The following PLIN2 variants were observed in gnomAD, a reference collection of about 807,000 sequenced individuals.
The protein encoded by PLIN2 is perilipin-2.
Under a neutral mutation model 30.6 loss-of-function variants are expected in PLIN2, and 33 were observed. The ratio of observed to expected loss-of-function variants is 1.08; its 90% confidence interval spans 0.82 to 1.44. The LOEUF (loss-of-function observed/expected upper bound fraction) is 1.44, where lower values mean the gene tolerates loss of function less well. PLIN2 is among the 40% of genes most tolerant of loss of function. The pLI is 0.00. For missense variants in PLIN2, 610 were observed against 531.8 expected (o/e 1.15, Z -1.45); for synonymous variants, 205 against 201.1 (o/e 1.02, Z -0.16).
At chr9:19,111,902 A>G (rs891374790), downstream of PLIN2, among the ~76,000 whole-genome samples, 2 of 152,112 alleles carry the variant, frequency 1.3e-5, no homozygotes, top group Non-Finnish European at 2.9e-5. Context: ...GCCCAGTTTC[A>G]TTAGTTCTTT....
Position 19,126,312 on chromosome 9 carries a change from G to T in PLIN2, c.31-3C>A, listed in dbSNP as rs751280387. 2.5e-5 allele frequency: 40 copies of T among 1,613,420 alleles called. No individual in the cohort carries two copies. In the South Asian group the frequency reaches 3.6e-4, roughly 15 times the overall value. On this transcript the variant is annotated splice_polypyrimidine_tract_variant and splice_region_variant and intron_variant, in intron 2 of 7. Transcript: ENST00000276914. ...TTGACCACCCGAGTCACCACACTCT[G>T]CAATCAAAGTAGGGAGGGTATGCTT... is the stretch of plus-strand genomic sequence containing the variant.
chr9:19,120,783 C>G (rs1818301518), intron 5 of PLIN2, 97 bp downstream of exon 5: 1 of 967,474 alleles, frequency 1.0e-6, no homozygotes, highest in South Asian at 1.5e-5. Flanking sequence ...GCTTGCACAA[C>G]TGTGTAAATT....
At chr9:19,120,800 CAAGAT>C (rs1318252328) in intron 5 of PLIN2, 75 bp downstream of exon 5, 79 of 1,150,420 alleles carry the variant, frequency 6.9e-5, no homozygotes, top group Middle Eastern at 2.1e-4. Context: ...AATTTAGACT[CAAGAT>C]GAGAGTATAT....
rs1250967978 is a variant in PLIN2, at chr9:19,126,369, G to C, written c.30+28C>G. 1.9e-6 allele frequency: 3 copies of C among 1,613,850 alleles called. No homozygotes were observed. The South Asian group carries it at 3.3e-5, about 18-fold the overall frequency. ...CTCTCAAAACACAAAAGGAGAGAAAGTAGACAAAGGCTACTCAAAATTCAT... is the reference window on the plus strand; with the variant it reads ...CTCTCAAAACACAAAAGGAGAGAAACTAGACAAAGGCTACTCAAAATTCAT... On this transcript the variant is annotated intron_variant, in intron 2 of 7. Coordinates refer to ENST00000276914, the MANE Select transcript of PLIN2 (RefSeq NM_001122.4).
chr9:19,121,508 A>T (rs1418261174), intron 4 of PLIN2, among the ~76,000 whole-genome samples: 1 of 149,320 alleles, frequency 6.7e-6, no homozygotes, highest in Non-Finnish European at 1.5e-5. Context: ...AAAAAAAAAA[A>T]GAGAAGAGAA....
downstream of PLIN2, chr9:19,115,723 C>G (rs1220651110): frequency 6.6e-6 from 1 of 152,660 alleles, no homozygotes; most frequent in Non-Finnish European, 1.5e-5. Context: ...AGCAGCTCTA[C>G]GAAAGCAACA....
rs1588644646 is a variant in PLIN2, at chr9:19,119,824, TTC to T, written c.601_602del (p.Glu201SerfsTer5). 2 of 1,561,696 alleles carry T rather than the reference TTC, an allele frequency of 1.3e-6. No individual in the cohort carries two copies. The highest frequency in any genetic ancestry group is 4.5e-5 in the East Asian group (2 of 44,014). On this transcript the variant is annotated frameshift_variant, in exon 6 of 8. Transcript: ENST00000276914. LOFTEE classifies it high-confidence loss of function. The part of the protein sequence containing the change: ...LPLTEEELEK[E>X]AKKVEGFDLV... ...GATCAAATCCTTCAACTTTTTTTGCTTCTTTTTCTGAAGTTAGAAATAAGAGA... is the reference window on the plus strand; with the variant it reads ...GATCAAATCCTTCAACTTTTTTTGCTTTTTTCTGAAGTTAGAAATAAGAGA...
At chr9:19,116,708 G>A (rs956092127) in intron 7 of PLIN2, 59 bp from the exon 8 acceptor site, 9 of 1,440,714 alleles carry the variant, frequency 6.2e-6, no homozygotes, top group African/African-American at 2.8e-5. Context: ...AAATTAGTTC[G>A]ATGACAGTAG....
chr9:19,121,031 A>C lies in PLIN2; in HGVS notation c.444T>G (p.Ser148Arg). 1 of 1,614,078 alleles carries C rather than the reference A, an allele frequency of 6.2e-7. No individual in the cohort carries two copies. The highest frequency in any genetic ancestry group is 8.5e-7 in the Non-Finnish European group (1 of 1,180,004). Residue 148 changes from serine (S) to arginine (R), a missense_variant, in exon 5 of 8, where the codon AGT (serine) becomes AGG (arginine). Transcript: ENST00000276914. ...MDKTKGAVTG[S>R]VEKTKSVVSG... ...TGACCACAGACTTGGTCTTCTCCAC[A>C]CTGCCAGTCACTGCCCCTTTGGTCT...
intron 5 of PLIN2, among the ~76,000 whole-genome samples, chr9:19,120,119 C>T (rs1451115735): frequency 6.6e-6 from 1 of 151,602 alleles, no homozygotes; most frequent in Admixed American, 6.6e-5. Flanking sequence ...AGTACAGTGG[C>T]ACAATTTTGG....
chr9:19,119,619 T>C lies in PLIN2; in HGVS notation c.777+31A>G, dbSNP rs755065551. 2.2e-6 allele frequency: 3 copies of C among 1,391,200 alleles called. No individual in the cohort carries two copies. The African/African-American group carries it at 4.3e-5, about 20-fold the overall frequency. The allele number at this position is 1,391,200 out of a possible 1,614,324, so 86.2% of individuals were successfully genotyped here. A position where few individuals can be genotyped will look rare whatever the true frequency, so the allele number is the denominator to read the frequency against. ...TGGGCCTAGAGATAAATGAACCCAC[T>C]TCAGACACCTTAAAATAAAGTTTTA... On this transcript the variant is annotated intron_variant, in intron 6 of 7. Transcript: ENST00000276914.
downstream of PLIN2, among the ~76,000 whole-genome samples, chr9:19,113,239 C>A (rs562220157): frequency 6.6e-6 from 1 of 151,616 alleles, no homozygotes; most frequent in South Asian, 2.1e-4. Context: ...AGGCTGAGGG[C>A]AGGAGAATAG....
chr9:19,119,662 A>T lies in PLIN2; in HGVS notation c.765T>A (p.Ser255=). 1 of 1,591,510 alleles carries T rather than the reference A, an allele frequency of 6.3e-7. No individual in the cohort carries two copies. Among genetic ancestry groups the T allele is most frequent in the Non-Finnish European group, 8.6e-7 (1 of 1,166,788 alleles). The change falls in exon 6 of 8, where the codon TCT becomes TCA. Residue 255 remains serine, a synonymous_variant. Transcript: ENST00000276914. ...KSQQTISQLH[S]TVHLIEFARK... is the part of the protein sequence containing the mutation. Reference sequence around the variant, plus strand: ...AAGTTTTACTCACCAGGTGAACAGTAGAATGGAGCTGAGAAATGGTCTGTT... The same window carrying T: ...AAGTTTTACTCACCAGGTGAACAGTTGAATGGAGCTGAGAAATGGTCTGTT...
downstream of PLIN2, among the ~76,000 whole-genome samples, chr9:19,113,387 G>A (rs1282434967): frequency 6.6e-6 from 1 of 151,792 alleles, no homozygotes; most frequent in East Asian, 1.9e-4. Context: ...ACTGGGAACA[G>A]GAAGGCAAGT....
chr9:19,117,450 C>T (rs1325737507), intron 7 of PLIN2, among the ~76,000 whole-genome samples: 4 of 152,000 alleles, frequency 2.6e-5, no homozygotes, highest in Non-Finnish European at 4.4e-5. Flanking sequence ...TGAGCCATTG[C>T]ACCCAGCCAA....
At chr9:19,123,382 C>G in intron 4 of PLIN2, 183 bp downstream of exon 4, 1 of 1,551,268 alleles carries the variant, frequency 6.4e-7, no homozygotes, top group Non-Finnish European at 8.7e-7. Context: ...TTCTCTGCTT[C>G]GTAGATACAA....
chr9:19,113,013 A>C (rs1280463557), downstream of PLIN2, among the ~76,000 whole-genome samples: 1 of 151,516 alleles, frequency 6.6e-6, no homozygotes, highest in Non-Finnish European at 1.5e-5. Context: ...TATAACTCTT[A>C]TAATAGGGAA....
At chr9:19,117,245 C>T (rs143898141) in intron 7 of PLIN2, among the ~76,000 whole-genome samples, 1 of 151,954 alleles carries the variant, frequency 6.6e-6, no homozygotes, top group Non-Finnish European at 1.5e-5. Context: ...ACTGCGGACC[C>T]GACCTCTCGG....
At chr9:19,125,567 C>G (rs1818382812) in intron 3 of PLIN2, 1 of 152,790 alleles carries the variant, frequency 6.5e-6, no homozygotes, top group Non-Finnish European at 1.5e-5. Context: ...ATTACAGGTG[C>G]AGGCCACCGT....
Sources: gnomAD v4.1 joint callset for allele counts (sites outside exome capture counted in the v4.1 genomes callset) on GRCh38, gnomAD v4.1.1 for gene constraint, MANE v1.5 for transcripts, NCBI Gene and HGNC (gene_info 2026-07-23, HGNC 2026-07-21) for gene names.